TAF5: variants seen among roughly 807,000 people sequenced by gnomAD.
TAF5 encodes the protein TATA-box binding protein associated factor 5, also known as transcription initiation factor TFIID subunit 5.
TAF5 carries 20 observed loss-of-function variants against 80.9 expected under a neutral mutation model. That is an observed-to-expected ratio of 0.25 (90% confidence interval 0.17 to 0.36). TAF5 has a LOEUF of 0.36. Among genes scored for constraint, TAF5 ranks in the 10% least tolerant of loss-of-function variants. The pLI is 1.00. For synonymous variants in TAF5, 388 were observed against 406.4 expected (o/e 0.95, Z 0.55); for missense variants, 863 against 1,029.4 (o/e 0.84, Z 2.21).
intron 8 of TAF5, among the ~76,000 whole-genome samples, chr10:103,386,267 C>T (rs184354631): frequency 1.1e-3 from 170 of 151,694 alleles, no homozygotes; most frequent in Non-Finnish European, 2.1e-3. Context: ...GACGAAACCC[C>T]GTCTCTACTG....
At chr10:103,369,821 T>TA (rs2093354962) in intron 1 of TAF5, among the ~76,000 whole-genome samples, 1 of 152,216 alleles carries the variant, frequency 6.6e-6, no homozygotes, top group Admixed American at 6.6e-5. Context: ...AGTATTGACA[T>TA]ATGGCAGCTT....
chr10:103,372,559 C>T (rs2133624087), intron 1 of TAF5, among the ~76,000 whole-genome samples: 1 of 150,962 alleles, frequency 6.6e-6, no homozygotes, highest in South Asian at 2.1e-4. Context: ...TGGCCTCGAT[C>T]TCCTGACCTC....
intron 1 of TAF5, 86 bp from the exon 2 acceptor site, chr10:103,373,272 A>C: frequency 9.9e-7 from 1 of 1,010,560 alleles, no homozygotes; most frequent in South Asian, 1.5e-5. Context: ...TCTGAGAAAC[A>C]ACTCACCTGT....
Position 103,386,862 on chromosome 10 carries a change from A to G in TAF5, c.1830-313A>G, listed in dbSNP as rs187575954. Among the ~76,000 whole-genome samples the G allele has an allele frequency of 2.0e-5, 3 of 151,668 alleles. No individual in the cohort carries two copies. In the East Asian group the frequency reaches 5.8e-4, roughly 29 times the overall value. ...GTATTTTTAGTAAAGACGGTGTTTC[A>G]CCATGTTGGTCAGGCTGGTCTCGAA... On this transcript the variant is annotated intron_variant, in intron 8 of 10. Transcript: ENST00000369839.
intron 7 of TAF5, 118 bp from the exon 8 acceptor site, chr10:103,385,208 G>T: frequency 1.4e-6 from 1 of 738,584 alleles, no homozygotes. Flanking sequence ...AGCATGTTAG[G>T]TATATTTAAT....
At chr10:103,381,867 T>C (rs2093383799) in intron 6 of TAF5, 26 bp downstream of exon 6, 2 of 1,614,112 alleles carry the variant, frequency 1.2e-6, no homozygotes, top group East Asian at 4.5e-5. Flanking sequence ...TTTTGGAATG[T>C]GAACTTGCCA....
At chr10:103,386,956 C>T (rs540001303) in intron 8 of TAF5, among the ~76,000 whole-genome samples, 48 of 150,212 alleles carry the variant, frequency 3.2e-4, no homozygotes, top group Middle Eastern at 3.4e-3. Flanking sequence ...AGCCCCCATG[C>T]CTGGCAAGAC....
At chr10:103,384,232 C>T (rs960209131) in intron 7 of TAF5, among the ~76,000 whole-genome samples, 2 of 152,140 alleles carry the variant, frequency 1.3e-5, no homozygotes, top group Non-Finnish European at 2.9e-5. Context: ...ACAATGTCAT[C>T]CTATGTGTAT....
chr10:103,388,247 G>A lies in TAF5; in HGVS notation c.*24G>A. ...AAACCATCGGTATTAAAGACCTTTT[G>A]GAAGCTACTGTTTTTAAAAAGGGAG... is the stretch of plus-strand genomic sequence containing the variant. On this transcript the variant is annotated 3_prime_UTR_variant, in exon 11 of 11. Transcript: ENST00000369839. The A allele has an allele frequency of 6.3e-7, 1 of 1,576,186 alleles. No homozygotes were observed. The highest frequency in any genetic ancestry group is 8.6e-7 in the Non-Finnish European group (1 of 1,158,744).
In TAF5 at chr10:103,387,313, C is replaced by G; in HGVS notation, c.1968C>G (p.Val656=). ...SADRTVRLWD[V]LNGNCVRIFT... ...ACAGAACTGTGCGGCTCTGGGACGT[C>G]CTGAATGGTAACTGTGTAAGGATCT... The change falls in exon 9 of 11, where the codon GTC becomes GTG. Residue 656 remains valine, a synonymous_variant. Coordinates refer to ENST00000369839, the MANE Select transcript of TAF5 (RefSeq NM_006951.5). 6.2e-7 allele frequency: 1 copy of G among 1,614,032 alleles called. No homozygotes were observed. The highest frequency in any genetic ancestry group is 8.5e-7 in the Non-Finnish European group (1 of 1,180,012).
chr10:103,368,467 G>A lies in TAF5; in HGVS notation c.478G>A (p.Ala160Thr), dbSNP rs1404351658. ...GACCGCCTCGGCCCCTGGCCCTGCGGCCCCCGACCCTCCGGGCACTGGCGC... is the reference window on the plus strand; with the variant it reads ...GACCGCCTCGGCCCCTGGCCCTGCGACCCCCGACCCTCCGGGCACTGGCGC... ...RVTASAPGPAAPDPPGTGASG... is the reference protein window; with the variant it reads ...RVTASAPGPATPDPPGTGASG... Residue 160 changes from alanine (A) to threonine (T), a missense_variant, in exon 1 of 11, where the codon GCC becomes ACC. Ala to Thr is a moderately conservative substitution (Grantham distance 58). Around this residue, in one of 3 missense-constraint regions of TAF5, gnomAD observed 367 missense variants for 335.5 expected, o/e 1.09. Transcript: ENST00000369839. The A allele has an allele frequency of 6.3e-7, 1 of 1,583,104 alleles. No homozygotes were observed. The highest frequency in any genetic ancestry group is 8.5e-7 in the Non-Finnish European group (1 of 1,173,782).
At chr10:103,382,900 G>A (rs1280100777) in intron 6 of TAF5, among the ~76,000 whole-genome samples, 1 of 152,022 alleles carries the variant, frequency 6.6e-6, no homozygotes, top group Non-Finnish European at 1.5e-5. Flanking sequence ...TGCCCGCCTT[G>A]GCCTACCAAA....
In TAF5 at chr10:103,368,216, CG is replaced by C; in HGVS notation, c.232del (p.Ala78ArgfsTer66). On this transcript the variant is annotated frameshift_variant, in exon 1 of 11. Coordinates refer to ENST00000369839, the MANE Select transcript of TAF5 (RefSeq NM_006951.5). LOFTEE classifies it high-confidence loss of function. ...GTGGCTGTCTCCGCCGCTGCCCCGG[CG>C]GGGGCGGCCCCGGTGCCCGCCGCTG... ...PTVAVSAAAP[A>X]GAAPVPAAAP... 1.4e-6 allele frequency: 2 copies of C among 1,418,186 alleles called. No homozygotes were observed. The highest frequency in any genetic ancestry group is 1.8e-6 in the Non-Finnish European group (2 of 1,087,852). The allele number at this position is 1,418,186 out of a possible 1,614,324, so 87.9% of individuals were successfully genotyped here.
Position 103,388,248 on chromosome 10 carries a change from G to T in TAF5, c.*25G>T. 6.3e-7 allele frequency: 1 copy of T among 1,576,844 alleles called. No individual in the cohort carries two copies. Among genetic ancestry groups the T allele is most frequent in the South Asian group, 1.2e-5 (1 of 86,702 alleles). On this transcript the variant is annotated 3_prime_UTR_variant, in exon 11 of 11. Coordinates refer to ENST00000369839, the MANE Select transcript of TAF5 (RefSeq NM_006951.5). ...AACCATCGGTATTAAAGACCTTTTG[G>T]AAGCTACTGTTTTTAAAAAGGGAGA...
Position 103,378,704 on chromosome 10 carries a change from C to G in TAF5, c.1113+154C>G, listed in dbSNP as rs1288867762. Among the ~76,000 whole-genome samples, 1 of 152,188 alleles carries G rather than the reference C, an allele frequency of 6.6e-6. No homozygotes were observed. Among genetic ancestry groups the G allele is most frequent in the East Asian group, 1.9e-4 (1 of 5,200 alleles). ...CGGAGTTTTGCTCTTGTCACCCAAG[C>G]TGGAGTGCAGTGGCGTGATCTCAGC... On this transcript the variant is annotated intron_variant, in intron 3 of 10. Transcript: ENST00000369839. The surrounding 1 kb of genome is among the most constrained non-coding windows in gnomAD (Gnocchi z 4.1).
chr10:103,372,756 C>T (rs1592090570), intron 1 of TAF5, among the ~76,000 whole-genome samples: 2 of 151,692 alleles, frequency 1.3e-5, no homozygotes, highest in African/African-American at 4.8e-5. Context: ...ATTAGCTGGG[C>T]ATAGTGGTGC....
intron 10 of TAF5, 49 bp from the exon 11 acceptor site, chr10:103,387,957 A>G (rs373127192): frequency 3.4e-4 from 527 of 1,542,446 alleles, no homozygotes; most frequent in Non-Finnish European, 4.5e-4. Flanking sequence ...AAATGTCCGA[A>G]TGTAAATATG....
At chr10:103,377,582 C>G (rs986496389) in intron 2 of TAF5, among the ~76,000 whole-genome samples, 1 of 152,064 alleles carries the variant, frequency 6.6e-6, no homozygotes, top group Non-Finnish European at 1.5e-5. Context: ...GTTATCAAGG[C>G]TAAAGGCTTT....
At chr10:103,379,824 T>C (rs2093378228) in intron 4 of TAF5, 53 bp downstream of exon 4, 4 of 1,602,562 alleles carry the variant, frequency 2.5e-6, no homozygotes, top group East Asian at 2.2e-5. Flanking sequence ...CAACATGTTA[T>C]ATAGAGTTCA....
Sources: allele counts gnomAD v4.1 joint callset (sites outside exome capture counted in the v4.1 genomes callset), GRCh38; gene constraint gnomAD v4.1.1; regional missense constraint gnomAD v4.1.1; non-coding constraint Gnocchi (gnomAD v3.1); transcripts MANE v1.5; gene names NCBI Gene and HGNC (gene_info 2026-07-23, HGNC 2026-07-21).